The following LMO7 variants were observed in gnomAD, a reference collection of about 807,000 sequenced individuals.
LMO7 encodes LIM domain only protein 7.
A neutral mutation model predicts 206.5 loss-of-function variants in LMO7; 120 were observed. That is an observed-to-expected ratio of 0.58 (90% confidence interval 0.50 to 0.68). The LOEUF (loss-of-function observed/expected upper bound fraction) is 0.68, where lower values mean the gene tolerates loss of function less well. Among genes scored for constraint, LMO7 ranks in the 30% least tolerant of loss-of-function variants. The pLI is 0.00. For missense variants in LMO7, 1,959 were observed against 1,957.9 expected, an observed-to-expected ratio of 1.00 and a Z score of -0.01; for synonymous variants, 706 against 681.5, an observed-to-expected ratio of 1.04 and a Z score of -0.56.
intron 3 of LMO7, among the ~76,000 whole-genome samples, chr13:75,736,448 G>T (rs1437241562): frequency 6.6e-6 from 1 of 152,178 alleles, no homozygotes; most frequent in East Asian, 1.9e-4. Flanking sequence ...TTGTTATGAG[G>T]ACTAAAAGGA....
rs2061134823 is a variant in LMO7, at chr13:75,858,623, C to T, written c.*680C>T. On this transcript the variant is annotated 3_prime_UTR_variant, in exon 31 of 31. Coordinates refer to ENST00000377534, the MANE Select transcript of LMO7 (RefSeq NM_001306080.2). ...GTATACTAGAAGTCTTCTTCAGAAACTGGTGAGCCTTTCTGTTCAATTGCA... is the reference window on the plus strand; with the variant it reads ...GTATACTAGAAGTCTTCTTCAGAAATTGGTGAGCCTTTCTGTTCAATTGCA... 1 of 152,584 alleles carries T rather than the reference C, an allele frequency of 6.6e-6. No individual in the cohort carries two copies. 9.5% of individuals were successfully genotyped at this position (152,584 alleles called of 1,614,324 possible). A position where few individuals can be genotyped will look rare whatever the true frequency, so the allele number is the denominator to read the frequency against.
At chr13:75,851,393 T>C (rs1443516391) in intron 27 of LMO7, among the ~76,000 whole-genome samples, 1 of 152,200 alleles carries the variant, frequency 6.6e-6, no homozygotes, top group Non-Finnish European at 1.5e-5. Context: ...TGTAAATATG[T>C]GCTTGCATAT....
At chr13:75,713,386 C>T in intron 2 of LMO7, 134 bp downstream of exon 2, 1 of 543,282 alleles carries the variant, frequency 1.8e-6, no homozygotes, top group South Asian at 2.7e-5. Flanking sequence ...AGATTTGATC[C>T]CTGCAAATTG....
At chr13:75,736,743 C>A (rs2045857242) in intron 3 of LMO7, among the ~76,000 whole-genome samples, 1 of 152,214 alleles carries the variant, frequency 6.6e-6, no homozygotes, top group South Asian at 2.1e-4. Flanking sequence ...TGTAGGGGAA[C>A]TGTGAAGACT....
intron 20 of LMO7, 101 bp from the exon 21 acceptor site, chr13:75,839,984 A>C (rs746543596): frequency 9.0e-7 from 1 of 1,105,038 alleles, no homozygotes; most frequent in Non-Finnish European, 1.4e-6. Flanking sequence ...GTATACTGGC[A>C]TAGAGACAGC....
intron 26 of LMO7, among the ~76,000 whole-genome samples, chr13:75,847,023 C>G (rs1343737348): frequency 1.8e-5 from 2 of 112,658 alleles, no homozygotes; most frequent in African/African-American, 6.6e-5. Flanking sequence ...GGAGCAGACT[C>G]TGTCTCAAAA....
intron 1 of LMO7, among the ~76,000 whole-genome samples, chr13:75,704,732 A>C (rs561802646): frequency 1.3e-5 from 2 of 152,230 alleles, no homozygotes; most frequent in Non-Finnish European, 2.9e-5. Flanking sequence ...TTGGGATTTA[A>C]GTCATGTGGA....
At chr13:75,677,642 C>CTTTTT (rs10633628) in intron 1 of LMO7, among the ~76,000 whole-genome samples, 1 of 147,726 alleles carries the variant, frequency 6.8e-6, no homozygotes, top group Non-Finnish European at 1.5e-5. Flanking sequence ...TGTCCTGTAG[C>CTTTTT]TTTTTTTTTT....
At chr13:75,857,891 CT>C (rs2061096320) in intron 30 of LMO7, 29 bp from the exon 31 acceptor site, 1 of 1,546,052 alleles carries the variant, frequency 6.5e-7, no homozygotes, top group Non-Finnish European at 8.8e-7. Context: ...AATCTAAGCA[CT>C]TTTCTTTCTT....
At chr13:75,649,746 G>A (rs1455760872) in intron 1 of LMO7, among the ~76,000 whole-genome samples, 2 of 152,126 alleles carry the variant, frequency 1.3e-5, no homozygotes, top group African/African-American at 4.8e-5. Context: ...ACATATTAGA[G>A]GTAGAAGCCC....
At chr13:75,625,160 T>C (rs746377333) in intron 2 of LMO7, among the ~76,000 whole-genome samples, 1 of 152,200 alleles carries the variant, frequency 6.6e-6, no homozygotes, top group Non-Finnish European at 1.5e-5. Context: ...GATTGGACAG[T>C]CTAAACACAT....
chr13:75,692,568 T>C (rs370587398), intron 1 of LMO7, among the ~76,000 whole-genome samples: 46 of 152,212 alleles, frequency 3.0e-4, no homozygotes, highest in African/African-American at 1.1e-3. Flanking sequence ...TTAATTTTTT[T>C]GTACGTAGGG....
chr13:75,727,531 T>A (rs2044593457), intron 3 of LMO7, among the ~76,000 whole-genome samples: 1 of 152,052 alleles, frequency 6.6e-6, no homozygotes, highest in Admixed American at 6.6e-5. Context: ...TTCAGAAAAA[T>A]TTAATTTACA....
At chr13:75,801,810 T>C (rs139089108) in intron 7 of LMO7, among the ~76,000 whole-genome samples, 1 of 152,364 alleles carries the variant, frequency 6.6e-6, no homozygotes, top group East Asian at 1.9e-4. Flanking sequence ...ACTTTTCTAT[T>C]TCTAGATATT....
chr13:75,719,815 T>G (rs893141280), intron 2 of LMO7, among the ~76,000 whole-genome samples: 3 of 152,230 alleles, frequency 2.0e-5, no homozygotes, highest in African/African-American at 7.2e-5. Context: ...ATGTGCAGTT[T>G]TTTGTGTAAA....
In LMO7 at chr13:75,823,653, A is replaced by G; in HGVS notation, c.2729A>G (p.Asp910Gly). Residue 910 changes from aspartate to glycine, a missense_variant, in exon 15 of 31, where the codon GAC becomes GGC. By Grantham distance (94) the Asp-to-Gly change is moderately conservative. Transcript: ENST00000377534. ...NVVSTPAPSPDASQLASSLSS... is the reference protein window; with the variant it reads ...NVVSTPAPSPGASQLASSLSS... ...GTCAGCACCCCTGCACCAAGCCCGG[A>G]CGCAAGCCAACTGGCTTCAAGCTTA... The G allele has an allele frequency of 6.2e-7, 1 of 1,614,162 alleles. No individual in the cohort carries two copies. The highest frequency in any genetic ancestry group is 1.1e-5 in the South Asian group (1 of 91,084).
chr13:75,787,042 TG>T (rs965296735), intron 4 of LMO7, among the ~76,000 whole-genome samples: 2 of 152,236 alleles, frequency 1.3e-5, no homozygotes, highest in African/African-American at 4.8e-5. Flanking sequence ...TAATTGCCTT[TG>T]TTAATCACAG....
chr13:75,812,977 C>A (rs1398117407), intron 11 of LMO7, among the ~76,000 whole-genome samples: 1 of 152,204 alleles, frequency 6.6e-6, no homozygotes. Flanking sequence ...TATCTCAAAT[C>A]TGTGAGGCCG....
At chr13:75,819,262 T>G in intron 12 of LMO7, 131 bp from the exon 13 acceptor site, 1 of 1,128,388 alleles carries the variant, frequency 8.9e-7, no homozygotes, top group African/African-American at 1.6e-5. Flanking sequence ...AAAAGCAAAA[T>G]TAGGGCACCT....
Sources: allele counts gnomAD v4.1 joint callset (sites outside exome capture counted in the v4.1 genomes callset), GRCh38; gene constraint gnomAD v4.1.1; transcripts MANE v1.5; gene names NCBI Gene and HGNC (gene_info 2026-07-23, HGNC 2026-07-21).